FNIP2: variants seen among roughly 807,000 people sequenced by gnomAD.
FNIP2 encodes folliculin-interacting protein 2.
In FNIP2, 32 loss-of-function variants were observed where a neutral mutation model predicts 108.7. That is an observed-to-expected ratio of 0.29 (90% CI 0.22 to 0.40). FNIP2 has a LOEUF of 0.40. FNIP2 is among the 10% of genes least tolerant of loss of function. The pLI, the probability that FNIP2 is intolerant of heterozygous loss-of-function variation, is 1.00. For missense variants in FNIP2, 1,202 were observed against 1,381.6 expected, an observed-to-expected ratio of 0.87 and a Z score of 2.06; for synonymous variants, 480 against 496.7, an observed-to-expected ratio of 0.97 and a Z score of 0.45.
intron 1 of FNIP2, among the ~76,000 whole-genome samples, chr4:158,778,480 C>A (rs545013326): frequency 6.6e-6 from 1 of 152,168 alleles, no homozygotes; most frequent in Admixed American, 6.5e-5. Flanking sequence ...TCCACTGTCA[C>A]TTCATCTTAT....
intron 1 of FNIP2, among the ~76,000 whole-genome samples, chr4:158,770,234 C>G (rs1274009090): frequency 1.3e-5 from 2 of 152,172 alleles, no homozygotes; most frequent in Non-Finnish European, 2.9e-5. Flanking sequence ...CAAGGGCTAA[C>G]TTTTAAAAGA....
chr4:158,834,329 T>TCTCTCTCTCTCTCTCTCTCTCTCTCC (rs1194083212), intron 6 of FNIP2: 9 of 149,540 alleles, frequency 6.0e-5, no homozygotes, highest in African/African-American at 2.3e-4. Context: ...TCTCTCTCTC[T>TCTCTCTCTCTCTCTCTCTCTCTCTCC]CCCTCTCTAA....
intron 16 of FNIP2, among the ~76,000 whole-genome samples, chr4:158,896,841 G>GTTT (rs57097896): frequency 2.1e-4 from 31 of 144,918 alleles, no homozygotes; most frequent in Admixed American, 4.8e-4. Context: ...TGCCTTATTA[G>GTTT]TTTTTTTTTT....
At chr4:158,796,571 T>A (rs1375676322) in intron 1 of FNIP2, among the ~76,000 whole-genome samples, 2 of 152,148 alleles carry the variant, frequency 1.3e-5, no homozygotes, top group African/African-American at 4.8e-5. Context: ...TGGCCAAAGT[T>A]ATTTATCTTG....
chr4:158,790,595 A>C (rs1776379644), intron 1 of FNIP2, among the ~76,000 whole-genome samples: 1 of 151,946 alleles, frequency 6.6e-6, no homozygotes, highest in Non-Finnish European at 1.5e-5. Context: ...AAAATTTTGA[A>C]AATCAGTTGG....
chr4:158,836,779 A>G (rs998558413), intron 7 of FNIP2: 5 of 137,552 alleles, frequency 3.6e-5, no homozygotes, highest in African/African-American at 1.4e-4. Context: ...TTGCGCCACT[A>G]TACTCCAGGC....
chr4:158,847,197 C>G (rs1779454084), intron 7 of FNIP2, among the ~76,000 whole-genome samples: 1 of 152,212 alleles, frequency 6.6e-6, no homozygotes, highest in Admixed American at 6.5e-5. Flanking sequence ...AACTCCTGGG[C>G]CAGTTCTGAT....
chr4:158,825,359 G>A (rs1006196631), intron 1 of FNIP2, among the ~76,000 whole-genome samples: 5 of 152,168 alleles, frequency 3.3e-5, no homozygotes, highest in African/African-American at 1.2e-4. Flanking sequence ...GCTCTACAGT[G>A]ATGCACTTGG....
chr4:158,858,954 A>T, intron 8 of FNIP2, 103 bp from the exon 9 acceptor site: 2 of 876,304 alleles, frequency 2.3e-6, no homozygotes, highest in Non-Finnish European at 3.6e-6. Context: ...AGATACTCTT[A>T]GTTATGACTG....
chr4:158,806,009 G>C (rs1367101845), intron 1 of FNIP2: 1 of 534,702 alleles, frequency 1.9e-6, no homozygotes, highest in Non-Finnish European at 2.5e-6. Flanking sequence ...TTATTGGCAG[G>C]CTTAATTTAC....
chr4:158,868,534 G>A lies in FNIP2; in HGVS notation c.1898G>A (p.Cys633Tyr), dbSNP rs199556655. ...GGTTCTGAGGCTTGCAGCGCAGGGT[G>A]CCTGGGGCCAGCATCAGACGCTTCC... ...EQGSEACSAGCLGPASDASWK... is the reference protein window; with the variant it reads ...EQGSEACSAGYLGPASDASWK... The change falls in exon 13 of 17, where the codon TGC (cysteine) becomes TAC (tyrosine). Residue 633 changes from cysteine to tyrosine, a missense_variant. Cys to Tyr is a radical substitution (Grantham distance 194). Transcript: ENST00000264433. This position sits in a 1 kb window ranked among gnomAD's most constrained non-coding sequence, Gnocchi z 4.6. The A allele has an allele frequency of 8.6e-4, 1,391 of 1,613,696 alleles. 1 individual carries two copies. Among genetic ancestry groups the A allele is most frequent in the Non-Finnish European group, 1.0e-3 (1,236 of 1,179,822 alleles).
chr4:158,880,237 T>C (rs1336362708), intron 14 of FNIP2, among the ~76,000 whole-genome samples: 3 of 152,134 alleles, frequency 2.0e-5, no homozygotes, highest in Admixed American at 6.5e-5. Context: ...ATGTGGCACA[T>C]ATACACTACG....
chr4:158,833,402 A>G (rs775012140), intron 5 of FNIP2, 126 bp from the exon 6 acceptor site: 25 of 597,046 alleles, frequency 4.2e-5, no homozygotes, highest in Non-Finnish European at 5.6e-5. Context: ...GACTTTGTTT[A>G]TAAAGAAAAG....
intron 15 of FNIP2, chr4:158,893,138 A>C (rs1032305404): frequency 6.6e-6 from 1 of 152,392 alleles, no homozygotes; most frequent in African/African-American, 2.4e-5. Context: ...TTAGTTGTAA[A>C]AGAAAGATAG....
intron 14 of FNIP2, chr4:158,871,718 T>A: frequency 1.0e-6 from 1 of 985,454 alleles, no homozygotes; most frequent in South Asian, 4.7e-5. Flanking sequence ...GGGATGAAAC[T>A]ATGAAGTTGC....
chr4:158,815,988 TA>T (rs1044509101), intron 1 of FNIP2, among the ~76,000 whole-genome samples: 5 of 152,180 alleles, frequency 3.3e-5, no homozygotes, highest in African/African-American at 1.2e-4. Flanking sequence ...CTGCAGTCAT[TA>T]CCTTTTTGTA....
chr4:158,774,313 T>C (rs1363052461), intron 1 of FNIP2, among the ~76,000 whole-genome samples: 4 of 152,180 alleles, frequency 2.6e-5, no homozygotes, highest in African/African-American at 9.7e-5. Context: ...GTTGGTATTT[T>C]TGGATTTTGC....
chr4:158,881,125 A>G (rs1053639926), intron 14 of FNIP2, among the ~76,000 whole-genome samples: 2 of 152,234 alleles, frequency 1.3e-5, no homozygotes, highest in Non-Finnish European at 2.9e-5. Context: ...CCAGAATTAT[A>G]TAAAATGAAT....
chr4:158,846,365 T>C (rs1779405414), intron 7 of FNIP2, among the ~76,000 whole-genome samples: 2 of 152,234 alleles, frequency 1.3e-5, no homozygotes, highest in South Asian at 4.1e-4. Flanking sequence ...CAGAATCCGC[T>C]AGCAGATAGC....
Sources: allele counts gnomAD v4.1 joint callset (sites outside exome capture counted in the v4.1 genomes callset), GRCh38; gene constraint gnomAD v4.1.1; non-coding constraint Gnocchi (gnomAD v3.1); transcripts MANE v1.5; gene names NCBI Gene and HGNC (gene_info 2026-07-23, HGNC 2026-07-21).